The following ARFGEF2 variants were observed in gnomAD, a reference collection of about 807,000 sequenced individuals.
The protein encoded by ARFGEF2 is brefeldin A-inhibited guanine nucleotide-exchange protein 2.
Under a neutral mutation model 219.9 loss-of-function variants are expected in ARFGEF2, and 74 were observed. That is an observed-to-expected ratio of 0.34 (90% CI 0.28 to 0.41). ARFGEF2 has a LOEUF of 0.41. Ranked by LOEUF, ARFGEF2 falls within the 10% of genes least tolerant of loss-of-function variation. The pLI, the probability that ARFGEF2 is intolerant of heterozygous loss-of-function variation, is 1.00. For synonymous variants in ARFGEF2, 733 were observed against 799.2 expected, an observed-to-expected ratio of 0.92 and a Z score of 1.40; for missense variants, 1,743 against 2,218.3, an observed-to-expected ratio of 0.79 and a Z score of 4.30.
chr20:49,033,126 T>C lies in ARFGEF2; in HGVS notation c.5285T>C (p.Ile1762Thr). The change falls in exon 39 of 39, where the codon ATA becomes ACA. Residue 1762 changes from isoleucine to threonine, a missense_variant. Physicochemically the swap from Ile to Thr is moderately conservative, Grantham distance 89 (BLOSUM62 -1). This residue lies in a region of ARFGEF2 where 578 missense variants were observed against 664.0 expected (regional missense o/e 0.87). Transcript: ENST00000371917. ...GTTCTGCGGAAGTTCTTCCTACGGA[T>C]AGGTGTTGTGTATAAGATATGGATA... Reference protein sequence around the residue: ...RAVLRKFFLRIGVVYKIWIPE... With the variant: ...RAVLRKFFLRTGVVYKIWIPE... 6.2e-7 allele frequency: 1 copy of C among 1,614,188 alleles called. No individual in the cohort carries two copies. The highest frequency in any genetic ancestry group is 8.5e-7 in the Non-Finnish European group (1 of 1,180,020).
chr20:48,938,954 GT>G (rs1374261692), intron 1 of ARFGEF2, among the ~76,000 whole-genome samples: 6 of 149,230 alleles, frequency 4.0e-5, no homozygotes, highest in African/African-American at 1.5e-4. Context: ...TTTGTGTTTG[GT>G]TTGTTTTATG....
chr20:49,011,959 G>C lies in ARFGEF2; in HGVS notation c.3793G>C (p.Asp1265His). 2 of 1,614,106 alleles carry C rather than the reference G, an allele frequency of 1.2e-6. No individual in the cohort carries two copies. Among genetic ancestry groups the C allele is most frequent in the Non-Finnish European group, 1.7e-6 (2 of 1,180,026 alleles). Residue 1265 changes from aspartate to histidine, a missense_variant, in exon 28 of 39, where the codon GAT becomes CAT. Transcript: ENST00000371917. ...CCAGCACCATTTTCCTGCAGCCATC[G>C]ATTCCTTTCAGGATGCTGTGAAGTG... is the stretch of plus-strand genomic sequence containing the variant. ...IFQHHFPAAI[D>H]SFQDAVKCLS...
At chr20:48,943,121 A>G (rs1335373484) in intron 3 of ARFGEF2, among the ~76,000 whole-genome samples, 2 of 152,236 alleles carry the variant, frequency 1.3e-5, no homozygotes, top group Non-Finnish European at 2.9e-5. Flanking sequence ...TGCAAAAAAC[A>G]CAGCACTAAC....
intron 10 of ARFGEF2, among the ~76,000 whole-genome samples, 176 bp from the exon 11 acceptor site, chr20:48,972,150 C>T (rs2091232364): frequency 1.3e-5 from 2 of 152,222 alleles, no homozygotes. Context: ...ACCCTGCCAG[C>T]CGTCCCCACC....
At chr20:48,930,963 G>A (rs1158843693) in intron 1 of ARFGEF2, among the ~76,000 whole-genome samples, 6 of 152,172 alleles carry the variant, frequency 3.9e-5, no homozygotes, top group African/African-American at 1.4e-4. Context: ...TATGAAGCCC[G>A]AAGTCGAGAA....
intron 1 of ARFGEF2, among the ~76,000 whole-genome samples, chr20:48,932,441 G>A (rs544687537): frequency 1.6e-4 from 25 of 152,166 alleles, no homozygotes; most frequent in African/African-American, 5.8e-4. Flanking sequence ...GGTTTCATTC[G>A]TGGTGGGTAA....
intron 3 of ARFGEF2, among the ~76,000 whole-genome samples, chr20:48,944,318 C>T (rs978085168): frequency 1.3e-4 from 20 of 152,178 alleles, no homozygotes; most frequent in African/African-American, 4.6e-4. Flanking sequence ...ATGTAATTGA[C>T]GTTCTAAGAA....
rs2091654862 is a variant in ARFGEF2 at position 49,034,421 on chromosome 20, C to G, written c.*1222C>G. On this transcript the variant is annotated 3_prime_UTR_variant, in exon 39 of 39. Transcript: ENST00000371917. ...TGCAATACTCTCACCTGCAGTAGAA[C>G]TGAGTTCTGCTGCAGCTTGTGTAAA... 1 of 152,214 alleles carries G rather than the reference C, an allele frequency of 6.6e-6. No individual in the cohort carries two copies. The highest frequency in any genetic ancestry group is 1.5e-5 in the Non-Finnish European group (1 of 68,042). 9.4% of individuals were successfully genotyped at this position (152,214 alleles called of 1,614,324 possible). A position where few individuals can be genotyped will look rare whatever the true frequency, so the allele number is the denominator to read the frequency against.
intron 34 of ARFGEF2, among the ~76,000 whole-genome samples, chr20:49,020,019 A>G (rs935180655): frequency 6.6e-6 from 1 of 152,232 alleles, no homozygotes. Context: ...GTATTGTTTC[A>G]TGTAATCCTC....
At chr20:48,976,460 A>G (rs1234512257) in intron 14 of ARFGEF2, among the ~76,000 whole-genome samples, 1 of 152,178 alleles carries the variant, frequency 6.6e-6, no homozygotes, top group African/African-American at 2.4e-5. Context: ...AATAAAACCA[A>G]TTTAGAAAAT....
In ARFGEF2 at chr20:49,016,283, T is replaced by G. The variant is rs2091529278; in HGVS notation, c.4183T>G (p.Ser1395Ala). 6.2e-7 allele frequency: 1 copy of G among 1,613,986 alleles called. No individual in the cohort carries two copies. Among genetic ancestry groups the G allele is most frequent in the Non-Finnish European group, 8.5e-7 (1 of 1,179,940 alleles). ...TGTCATCTTTTTGTTTTCCCAGAAATCTGAGTGGATGACAACAACCTGCAA... is the reference window on the plus strand; with the variant it reads ...TGTCATCTTTTTGTTTTCCCAGAAAGCTGAGTGGATGACAACAACCTGCAA... ...MKLPEQLSEK[S>A]EWMTTTCNHA... Residue 1395 changes from serine to alanine, a missense_variant, in exon 31 of 39, where the codon TCT becomes GCT. Around this residue, in one of 5 missense-constraint regions of ARFGEF2, gnomAD observed 578 missense variants for 664.0 expected, o/e 0.87. Coordinates refer to ENST00000371917, the MANE Select transcript of ARFGEF2 (RefSeq NM_006420.3).
intron 37 of ARFGEF2, among the ~76,000 whole-genome samples, 176 bp from the exon 38 acceptor site, chr20:49,031,873 A>C (rs1471701543): frequency 6.6e-6 from 1 of 151,858 alleles, no homozygotes; most frequent in Non-Finnish European, 1.5e-5. Context: ...AACCTTGATC[A>C]CACCACTGCA....
intron 9 of ARFGEF2, 112 bp from the exon 10 acceptor site, chr20:48,971,008 A>G (rs2091223741): frequency 4.5e-6 from 4 of 885,728 alleles, no homozygotes; most frequent in East Asian, 2.5e-5. Flanking sequence ...TTTAGGTGCT[A>G]TTAATTCTTT....
intron 25 of ARFGEF2, among the ~76,000 whole-genome samples, chr20:49,003,415 G>A (rs1012183184): frequency 2.0e-5 from 3 of 149,252 alleles, no homozygotes; most frequent in African/African-American, 7.4e-5. Flanking sequence ...GACCAGCCTG[G>A]CCAACGTGGT....
At chr20:48,958,787 T>C (rs750656850) in intron 6 of ARFGEF2, among the ~76,000 whole-genome samples, 1 of 152,146 alleles carries the variant, frequency 6.6e-6, no homozygotes, top group Non-Finnish European at 1.5e-5. Context: ...CCTCCCATTT[T>C]CTCTGCTCTT....
chr20:48,938,886 G>A (rs542245304), intron 1 of ARFGEF2, among the ~76,000 whole-genome samples: 39 of 151,794 alleles, frequency 2.6e-4, no homozygotes, highest in Non-Finnish European at 4.4e-4. Flanking sequence ...TACACCCACC[G>A]TGTTTTTTCT....
intron 36 of ARFGEF2, among the ~76,000 whole-genome samples, chr20:49,028,284 G>C (rs2123574887): frequency 6.6e-6 from 1 of 152,174 alleles, no homozygotes; most frequent in South Asian, 2.1e-4. Flanking sequence ...AGCCAGGCAT[G>C]GTGGCACACA....
intron 16 of ARFGEF2, among the ~76,000 whole-genome samples, chr20:48,986,471 A>C (rs962037454): frequency 2.6e-5 from 4 of 152,030 alleles, no homozygotes; most frequent in African/African-American, 9.7e-5. Flanking sequence ...TCTTCCAAAA[A>C]TACAAAAAAA....
chr20:49,029,394 A>G (rs571583555), intron 37 of ARFGEF2, among the ~76,000 whole-genome samples: 2 of 152,318 alleles, frequency 1.3e-5, no homozygotes, highest in Non-Finnish European at 2.9e-5. Context: ...TAAAGTGTTC[A>G]TTCTCTGTGA....
Sources: gnomAD v4.1 joint callset for allele counts (sites outside exome capture counted in the v4.1 genomes callset) on GRCh38, gnomAD v4.1.1 for gene constraint, gnomAD v4.1.1 regional missense constraint, MANE v1.5 for transcripts, NCBI Gene and HGNC (gene_info 2026-07-23, HGNC 2026-07-21) for gene names.